The following ANLN variants were observed in gnomAD, a reference collection of about 807,000 sequenced individuals.
ANLN encodes anillin, actin binding protein.
In ANLN, 59 loss-of-function variants were observed where a neutral mutation model predicts 135.1. The ratio of observed to expected loss-of-function variants is 0.44; its 90% CI spans 0.35 to 0.54. The LOEUF (loss-of-function observed/expected upper bound fraction) is 0.54. Among genes scored for constraint, ANLN ranks in the 20% least tolerant of loss-of-function variants. ANLN has a pLI of 0.00. For synonymous variants in ANLN, 406 were observed against 456.4 expected (o/e 0.89, Z 1.41); for missense variants, 1,182 against 1,340.0 (o/e 0.88, Z 1.84).
intron 22 of ANLN, among the ~76,000 whole-genome samples, chr7:36,448,684 C>G (rs1472734977): frequency 2.0e-5 from 3 of 152,146 alleles, no homozygotes; most frequent in African/African-American, 7.2e-5. Flanking sequence ...GATTTTCAGA[C>G]TATTTAATGT....
Position 36,407,777 on chromosome 7 carries a change from C to T in ANLN, c.917C>T (p.Ala306Val), listed in dbSNP as rs758303529. 2 of 1,613,674 alleles carry T rather than the reference C, an allele frequency of 1.2e-6. No individual in the cohort carries two copies. The highest frequency in any genetic ancestry group is 3.3e-5 in the Admixed American group (2 of 60,006). The change falls in exon 5 of 24, where the codon GCT becomes GTT. Residue 306 changes from alanine to valine, a missense_variant. Transcript: ENST00000265748. ...AAATCTACTACATCTATCACTGATGCTAAAAGTTGTGAGGGACAAAATCCT... is the reference window on the plus strand; with the variant it reads ...AAATCTACTACATCTATCACTGATGTTAAAAGTTGTGAGGGACAAAATCCT... ...PVKSTTSITD[A>V]KSCEGQNPEL...
At position 36,449,835 on chromosome 7, in the gene ANLN, C is replaced by G. The variant is rs1789171073; in HGVS notation, c.3249C>G (p.Thr1083=). The G allele has an allele frequency of 6.2e-7, 1 of 1,612,710 alleles. No homozygotes were observed. The highest frequency in any genetic ancestry group is 1.7e-5 in the Admixed American group (1 of 59,796). ...AATGCAGGGACACACTCTGTGTTAC[C>G]AAGTATGTATTGGCCTATAAATATT... ...VSQCRDTLCV[T]KNWLSADTKE... is the part of the protein sequence containing the mutation. Residue 1083 remains threonine, a splice_region_variant and synonymous_variant, in exon 23 of 24, where the codon ACC becomes ACG. Transcript: ENST00000265748.
At position 36,407,897 on chromosome 7, in the gene ANLN, G is replaced by A. The variant is rs1787258365; in HGVS notation, c.1037G>A (p.Gly346Glu). ...TTATCCCAGACAGTTCCATCCAAGG[G>A]AGAATTAAGTAGAGAAATTTGTCTG... ...STLSQTVPSK[G>E]ELSREICLQS... The change falls in exon 5 of 24, where the codon GGA (glycine) becomes GAA (glutamate). Residue 346 changes from glycine to glutamate, a missense_variant. By Grantham distance (98) the Gly-to-Glu change is moderately conservative (BLOSUM62 -2). Around this residue, in one of 3 missense-constraint regions of ANLN, gnomAD observed 1,022 missense variants for 1,134.0 expected, o/e 0.90. Coordinates refer to ENST00000265748, the MANE Select transcript of ANLN (RefSeq NM_018685.5). The A allele has an allele frequency of 1.9e-6, 3 of 1,613,814 alleles. No homozygotes were observed. Among genetic ancestry groups the A allele is most frequent in the African/African-American group, 1.3e-5 (1 of 75,030 alleles).
At chr7:36,429,233 T>C (rs1788213818) in intron 20 of ANLN, among the ~76,000 whole-genome samples, 2 of 152,090 alleles carry the variant, frequency 1.3e-5, no homozygotes. Flanking sequence ...GTTTTTTTTT[T>C]GTTTTGAGAT....
At chr7:36,428,413 A>C (rs1190667809) in intron 20 of ANLN, 2 of 1,005,072 alleles carry the variant, frequency 2.0e-6, no homozygotes, top group Non-Finnish European at 2.7e-6. Flanking sequence ...TCAATCCTTA[A>C]TTTTTGATCT....
At chr7:36,425,485 G>T (rs1407142043) in intron 17 of ANLN, among the ~76,000 whole-genome samples, 1 of 151,914 alleles carries the variant, frequency 6.6e-6, no homozygotes, top group Non-Finnish European at 1.5e-5. Context: ...TAGCAGAGAG[G>T]GGGTTTCACC....
At chr7:36,447,254 T>A (rs1383199211) in intron 22 of ANLN, among the ~76,000 whole-genome samples, 1 of 152,096 alleles carries the variant, frequency 6.6e-6, no homozygotes, top group Non-Finnish European at 1.5e-5. Context: ...AACCTCAGCA[T>A]ACGATTTTTT....
At chr7:36,438,048 C>G (rs1434592676) in intron 20 of ANLN, among the ~76,000 whole-genome samples, 1 of 152,336 alleles carries the variant, frequency 6.6e-6, no homozygotes, top group South Asian at 2.1e-4. Flanking sequence ...CTCAGCCTCC[C>G]AAAGTGCTGG....
chr7:36,421,160 C>T (rs576962811), intron 12 of ANLN, among the ~76,000 whole-genome samples: 12 of 151,884 alleles, frequency 7.9e-5, no homozygotes, highest in East Asian at 1.9e-4. Flanking sequence ...CTCTGCCTCC[C>T]GGGTTCAAGC....
chr7:36,404,621 G>C (rs1787111351), intron 3 of ANLN, among the ~76,000 whole-genome samples: 1 of 152,094 alleles, frequency 6.6e-6, no homozygotes, highest in Non-Finnish European at 1.5e-5. Context: ...TTATTTAGTT[G>C]AGAACTTTCA....
At chr7:36,447,600 AT>A (rs1030892045) in intron 22 of ANLN, among the ~76,000 whole-genome samples, 10 of 150,810 alleles carry the variant, frequency 6.6e-5, no homozygotes, top group Non-Finnish European at 1.3e-4. Flanking sequence ...AATTTTTTGT[AT>A]TTTTTTAGTA....
In ANLN at chr7:36,423,925, T is replaced by TC. The variant is rs1159076744; in HGVS notation, c.2586dup (p.Thr863HisfsTer12). 6.2e-7 allele frequency: 1 copy of TC among 1,611,912 alleles called. No individual in the cohort carries two copies. Among genetic ancestry groups the TC allele is most frequent in the Non-Finnish European group, 8.5e-7 (1 of 1,178,960 alleles). On this transcript the variant is annotated frameshift_variant, in exon 15 of 24. Coordinates refer to ENST00000265748, the MANE Select transcript of ANLN (RefSeq NM_018685.5). LOFTEE classifies it high-confidence loss of function. ...TCTCTTAACGGTGATGCTCTGACAT[T>TC]CACTACTACATTTACTCTGTAAGTA...
At chr7:36,400,909 A>G (rs1399813176) in intron 3 of ANLN, among the ~76,000 whole-genome samples, 3 of 152,100 alleles carry the variant, frequency 2.0e-5, no homozygotes, top group Admixed American at 2.0e-4. Flanking sequence ...CAGAATTGAG[A>G]TCAAGTGATC....
At chr7:36,423,792 T>A in intron 14 of ANLN, 25 bp from the exon 15 acceptor site, 3 of 1,595,012 alleles carry the variant, frequency 1.9e-6, no homozygotes, top group Non-Finnish European at 2.6e-6. Flanking sequence ...TTGTGCTTAC[T>A]ATGTAATATG....
At chr7:36,444,466 GT>G (rs1473170556) in intron 22 of ANLN, among the ~76,000 whole-genome samples, 9 of 151,908 alleles carry the variant, frequency 5.9e-5, no homozygotes, top group Admixed American at 1.3e-4. Context: ...GACATTTGAA[GT>G]TGGAAATGTT....
chr7:36,439,111 G>T lies in ANLN; in HGVS notation c.2884-93G>T, dbSNP rs1044696611. On this transcript the variant is annotated intron_variant, in intron 20 of 23. Coordinates refer to ENST00000265748, the MANE Select transcript of ANLN (RefSeq NM_018685.5). The stretch of plus-strand genomic sequence containing the variant: ...TTAGAAAATGCTCTGTTTTCAAGTT[G>T]TAATAGTCTCTGTTCATGATTTATA... 3.3e-5 allele frequency: 26 copies of T among 791,144 alleles called. No individual in the cohort carries two copies. In the African/African-American group the frequency reaches 3.8e-4, roughly 12 times the overall value. 49.0% of individuals were successfully genotyped at this position (791,144 alleles called of 1,614,324 possible).
intron 7 of ANLN, among the ~76,000 whole-genome samples, chr7:36,413,282 GT>G (rs1342703351): frequency 6.6e-6 from 1 of 151,798 alleles, no homozygotes; most frequent in African/African-American, 2.4e-5. Context: ...CTGCTTTCAG[GT>G]TTCCCCCTTC....
intron 23 of ANLN, among the ~76,000 whole-genome samples, chr7:36,451,514 AT>A (rs556240360): frequency 6.6e-6 from 1 of 152,048 alleles, no homozygotes; most frequent in Admixed American, 6.6e-5. Context: ...GTGACTAGAG[AT>A]TTTTTTTATT....
At chr7:36,422,978 T>C (rs1419755016) in intron 14 of ANLN, among the ~76,000 whole-genome samples, 169 bp downstream of exon 14, 2 of 151,678 alleles carry the variant, frequency 1.3e-5, no homozygotes, top group Non-Finnish European at 2.9e-5. Context: ...CAGATATATA[T>C]AGGGATACCA....
Sources: gnomAD v4.1 joint callset for allele counts (sites outside exome capture counted in the v4.1 genomes callset) on GRCh38, gnomAD v4.1.1 for gene constraint, gnomAD v4.1.1 regional missense constraint, MANE v1.5 for transcripts, NCBI Gene and HGNC (gene_info 2026-07-23, HGNC 2026-07-21) for gene names.